KHDC1: variants seen among roughly 807,000 people sequenced by gnomAD.
KHDC1 encodes the protein KH domain containing 1, also known as KH homology domain-containing protein 1.
Under a neutral mutation model 24.7 loss-of-function variants are expected in KHDC1, and 21 were observed. That is an observed-to-expected ratio of 0.85 (90% confidence interval 0.60 to 1.23). KHDC1 has a LOEUF of 1.23. KHDC1 is among the 50% of genes most tolerant of loss of function. The pLI is 0.00. For synonymous variants in KHDC1, 98 were observed against 111.7 expected (o/e 0.88, Z 0.77); for missense variants, 274 against 298.5 (o/e 0.92, Z 0.61).
chr6:73,304,605 T>G (rs1767929045), intron 1 of KHDC1, among the ~76,000 whole-genome samples: 1 of 152,192 alleles, frequency 6.6e-6, no homozygotes, highest in Non-Finnish European at 1.5e-5. Context: ...CCAGCCACTT[T>G]TGTTCACATA....
At chr6:73,305,135 G>A (rs1361679851) in intron 1 of KHDC1, among the ~76,000 whole-genome samples, 2 of 152,040 alleles carry the variant, frequency 1.3e-5, no homozygotes, top group African/African-American at 4.8e-5. Context: ...CTTCTCGGGA[G>A]GCTGAGGCAC....
intron 2 of KHDC1, among the ~76,000 whole-genome samples, chr6:73,281,232 A>C (rs370132194): frequency 1.3e-5 from 2 of 151,656 alleles, no homozygotes; most frequent in Admixed American, 6.6e-5. Flanking sequence ...CCAGCTACTC[A>C]GGAGGCTAAG....
intron 1 of KHDC1, among the ~76,000 whole-genome samples, chr6:73,307,150 G>T (rs1432246344): frequency 1.3e-5 from 2 of 152,142 alleles, no homozygotes; most frequent in Non-Finnish European, 1.5e-5. Flanking sequence ...CATTAGAGCA[G>T]CCGGGCAAGG....
chr6:73,260,129 G>A (rs12197604), intron 2 of KHDC1, among the ~76,000 whole-genome samples: 4 of 152,056 alleles, frequency 2.6e-5, no homozygotes, highest in Admixed American at 6.6e-5. Context: ...TTTAGAGTCC[G>A]CTATTGTGCC....
chr6:73,242,527 C>T (rs377534797), exon 3 of KHDC1: 35 of 1,613,942 alleles, frequency 2.2e-5, no homozygotes, highest in East Asian at 4.5e-5. Context: ...TGCTCTGCTC[C>T]GACCTGATAC....
At chr6:73,286,029 A>C (rs1767512794) in intron 2 of KHDC1, among the ~76,000 whole-genome samples, 1 of 152,136 alleles carries the variant, frequency 6.6e-6, no homozygotes, top group South Asian at 2.1e-4. Context: ...AAAGGGGAAA[A>C]CTATTAAACT....
chr6:73,287,490 G>A (rs1421156863), intron 2 of KHDC1, among the ~76,000 whole-genome samples: 2 of 152,198 alleles, frequency 1.3e-5, no homozygotes, highest in Non-Finnish European at 2.9e-5. Flanking sequence ...GGAAGCAGTA[G>A]TCTCATGCTC....
intron 1 of KHDC1, among the ~76,000 whole-genome samples, chr6:73,298,423 A>ATTTTTTTTTTTTTTTTTTTTT (rs370446904): frequency 6.7e-5 from 4 of 59,976 alleles, no homozygotes; most frequent in Admixed American, 2.7e-4. Context: ...TACTTTGCAA[A>ATTTTTTTTTTTTTTTTTTTTT]TTTTTTTTTT....
chr6:73,289,333 CAAAAAAA>C (rs60179008), intron 2 of KHDC1, among the ~76,000 whole-genome samples: 3,542 of 62,628 alleles, frequency 0.057, 139 homozygotes, highest in East Asian at 0.16. Flanking sequence ...GACTCCATCT[CAAAAAAA>C]AAAAAAAAAA....
intron 2 of KHDC1, among the ~76,000 whole-genome samples, chr6:73,278,194 T>G (rs1018178547): frequency 6.6e-6 from 1 of 150,648 alleles, no homozygotes; most frequent in Non-Finnish European, 1.5e-5. Context: ...TTTTTTTTTT[T>G]TTGTACTTTT....
intron 1 of KHDC1, among the ~76,000 whole-genome samples, chr6:73,298,148 G>A (rs552796445): frequency 1.3e-5 from 2 of 151,852 alleles, no homozygotes; most frequent in Admixed American, 6.6e-5. Context: ...GTGACAAAAC[G>A]AGACTCTGTC....
chr6:73,254,534 A>AATT lies in KHDC1; in HGVS notation c.207-12007_207-12005dup, dbSNP rs1766845705. Among the ~76,000 whole-genome samples the AATT allele has an allele frequency of 2.0e-5, 3 of 151,636 alleles. No individual in the cohort carries two copies. The South Asian group carries it at 6.2e-4, about 31-fold the overall frequency. Reference sequence around the variant, plus strand: ...AATAAAAGACTACGTAGCTATAAGAAATTACAAGAAAGTGTTTCTGCTCTA... The same window carrying AATT: ...AATAAAAGACTACGTAGCTATAAGAAATTATTACAAGAAAGTGTTTCTGCTCTA... On this transcript the variant is annotated intron_variant, in intron 2 of 4. Coordinates refer to ENST00000370384, the Ensembl canonical transcript of KHDC1.
intron 2 of KHDC1, chr6:73,263,057 C>T: frequency 1.0e-5 from 1 of 98,250 alleles, no homozygotes; most frequent in Non-Finnish European, 1.5e-5. Flanking sequence ...GCGGCGGCGG[C>T]GGCGGCGGCG....
chr6:73,301,322 T>C (rs1167181691), intron 1 of KHDC1: 1 of 152,232 alleles, frequency 6.6e-6, no homozygotes, highest in African/African-American at 2.4e-5. Flanking sequence ...TTTACAATTT[T>C]GTTAGTATAC....
intron 2 of KHDC1, among the ~76,000 whole-genome samples, chr6:73,243,444 G>A (rs749855466): frequency 2.0e-5 from 3 of 152,218 alleles, no homozygotes; most frequent in Non-Finnish European, 4.4e-5. Flanking sequence ...GAATCCACTT[G>A]TCACAAGTTT....
At chr6:73,250,612 C>A (rs1265675341) in intron 2 of KHDC1, among the ~76,000 whole-genome samples, 16 of 152,220 alleles carry the variant, frequency 1.1e-4, no homozygotes, top group Non-Finnish European at 1.9e-4. Flanking sequence ...CCAACTGGAC[C>A]AGTGTTTCCT....
At chr6:73,293,025 T>C in intron 1 of KHDC1, 1 of 1,001,718 alleles carries the variant, frequency 1.0e-6, no homozygotes, top group Non-Finnish European at 1.6e-6. Context: ...AAATTGAACA[T>C]GACTCCAGAT....
exon 5 of KHDC1, chr6:73,241,656 G>A (rs1448651628): frequency 1.2e-6 from 2 of 1,614,064 alleles, no homozygotes; most frequent in Non-Finnish European, 8.5e-7. Context: ...AGTGTATGGT[G>A]GCACACTAAT....
intron 2 of KHDC1, chr6:73,291,013 C>A: frequency 2.6e-6 from 1 of 384,152 alleles, no homozygotes. Flanking sequence ...TATAGAGATC[C>A]TGAAGAGATT....
Sources: allele counts gnomAD v4.1 joint callset (sites outside exome capture counted in the v4.1 genomes callset), GRCh38; gene constraint gnomAD v4.1.1; transcripts MANE v1.5; gene names NCBI Gene and HGNC (gene_info 2026-07-23, HGNC 2026-07-21).